The following RICTOR variants were observed in gnomAD, a reference collection of about 807,000 sequenced individuals.
RICTOR encodes the protein RPTOR independent companion of MTOR complex 2, also known as rapamycin-insensitive companion of mTOR.
A neutral mutation model predicts 214.9 loss-of-function variants in RICTOR; 49 were observed. The ratio of observed to expected loss-of-function variants is 0.23; its 90% CI spans 0.18 to 0.29. RICTOR has a LOEUF of 0.29. Ranked by LOEUF, RICTOR falls within the 10% of genes least tolerant of loss-of-function variation. The probability of loss-of-function intolerance (pLI) is 1.00; values close to 1 mark genes in which losing one functional copy is unlikely to be tolerated. For synonymous variants in RICTOR, 717 were observed against 711.3 expected, an observed-to-expected ratio of 1.01 and a Z score of -0.13; for missense variants, 1,625 against 2,047.0, an observed-to-expected ratio of 0.79 and a Z score of 3.98.
intron 2 of RICTOR, among the ~76,000 whole-genome samples, chr5:39,040,692 TTATA>T (rs1396363989): frequency 6.6e-6 from 1 of 152,026 alleles, no homozygotes; most frequent in Non-Finnish European, 1.5e-5. Flanking sequence ...ATTTTATTAC[TTATA>T]TAATTTTTAA....
In RICTOR at chr5:38,955,632, C is replaced by G. The variant is rs1749189675; in HGVS notation, c.2572G>C (p.Val858Leu). The change falls in exon 26 of 38, where the codon GTT (valine) becomes CTT (leucine). Residue 858 changes from valine to leucine, a missense_variant. Physicochemically the swap from Val to Leu is conservative, Grantham distance 32 (BLOSUM62 1). Coordinates refer to ENST00000357387, the MANE Select transcript of RICTOR (RefSeq NM_152756.5). ...NEALTTYRKP[V>L]DGDNYVRRSN... ...CGACGAACATAGTTATCACCATCAA[C>G]AGGCTTCCGGTAAGTAGTAAGTGCT... 2 of 1,610,606 alleles carry G rather than the reference C, an allele frequency of 1.2e-6. No individual in the cohort carries two copies. Among genetic ancestry groups the G allele is most frequent in the South Asian group, 2.2e-5 (2 of 91,006 alleles).
chr5:39,068,812 A>T (rs191571139), intron 2 of RICTOR, among the ~76,000 whole-genome samples: 1 of 152,212 alleles, frequency 6.6e-6, no homozygotes, highest in Non-Finnish European at 1.5e-5. Context: ...TCTAGCTTGA[A>T]TAACAGAGGA....
At chr5:38,949,587 C>T (rs530603893) in intron 31 of RICTOR, 125 bp downstream of exon 31, 2 of 1,050,648 alleles carry the variant, frequency 1.9e-6, no homozygotes, top group South Asian at 3.2e-5. Context: ...TATAGCCTAC[C>T]ATAGTAAACA....
At chr5:39,074,298 C>T (rs375259913) in intron 1 of RICTOR, 31 bp downstream of exon 1, 3 of 1,534,834 alleles carry the variant, frequency 2.0e-6, no homozygotes, top group Admixed American at 2.0e-5. Context: ...GGGCGCCGGG[C>T]GGTGGGGAGT....
chr5:39,073,180 T>C (rs1410447867), intron 2 of RICTOR, among the ~76,000 whole-genome samples: 3 of 152,216 alleles, frequency 2.0e-5, no homozygotes, highest in African/African-American at 7.2e-5. Context: ...AAACTGATTC[T>C]GTACAGCTGA....
At chr5:39,055,425 C>CT (rs967617423) in intron 2 of RICTOR, among the ~76,000 whole-genome samples, 2 of 129,048 alleles carry the variant, frequency 1.5e-5, no homozygotes, top group African/African-American at 5.8e-5. Flanking sequence ...ATTCCCCCCC[C>CT]CCACTCTTTT....
chr5:38,961,120 A>C (rs893324759), intron 19 of RICTOR, among the ~76,000 whole-genome samples: 6 of 152,050 alleles, frequency 3.9e-5, no homozygotes, highest in Non-Finnish European at 8.8e-5. Flanking sequence ...AAAAAACCCC[A>C]AAAACCAAGC....
chr5:38,981,833 T>C (rs1220273801), intron 8 of RICTOR, 34 bp downstream of exon 8: 2 of 1,443,104 alleles, frequency 1.4e-6, no homozygotes, highest in Non-Finnish European at 1.9e-6. Flanking sequence ...TATAATAATA[T>C]TTTAAAACTA....
intron 2 of RICTOR, among the ~76,000 whole-genome samples, chr5:39,044,357 A>G (rs1435459459): frequency 6.6e-6 from 1 of 152,206 alleles, no homozygotes; most frequent in Non-Finnish European, 1.5e-5. Flanking sequence ...AAACAAGACT[A>G]TGCTTCTTAA....
At chr5:39,042,356 T>C (rs185420968) in intron 2 of RICTOR, among the ~76,000 whole-genome samples, 1 of 152,326 alleles carries the variant, frequency 6.6e-6, no homozygotes, top group East Asian at 1.9e-4. Context: ...CTATTTGTGC[T>C]AATATTTTTG....
chr5:39,057,084 TA>T (rs1758252324), intron 2 of RICTOR, among the ~76,000 whole-genome samples: 1 of 152,216 alleles, frequency 6.6e-6, no homozygotes, highest in East Asian at 1.9e-4. Flanking sequence ...CATGAGTGAA[TA>T]AATTAGTGAA....
At chr5:39,048,907 C>T (rs986891257) in intron 2 of RICTOR, among the ~76,000 whole-genome samples, 11 of 151,930 alleles carry the variant, frequency 7.2e-5, no homozygotes, top group Non-Finnish European at 1.0e-4. Context: ...AGTCTACATC[C>T]TAAGAAAAAA....
intron 2 of RICTOR, among the ~76,000 whole-genome samples, chr5:39,051,227 C>T (rs545853729): frequency 3.6e-4 from 55 of 152,254 alleles, no homozygotes; most frequent in African/African-American, 9.1e-4. Context: ...TGTCCATGAT[C>T]AAAAGAATGG....
At chr5:39,072,549 G>A (rs1051049733) in intron 2 of RICTOR, among the ~76,000 whole-genome samples, 5 of 152,192 alleles carry the variant, frequency 3.3e-5, no homozygotes, top group Non-Finnish European at 7.3e-5. Context: ...ACATATGCCT[G>A]TATATAAATT....
intron 23 of RICTOR, 65 bp from the exon 24 acceptor site, chr5:38,958,584 T>A (rs904323129): frequency 6.6e-7 from 1 of 1,525,082 alleles, no homozygotes; most frequent in African/African-American, 1.4e-5. Flanking sequence ...AGTTCCAAAA[T>A]GCCTATTATA....
intron 6 of RICTOR, among the ~76,000 whole-genome samples, chr5:38,994,942 C>G (rs1753069482): frequency 6.6e-6 from 1 of 152,150 alleles, no homozygotes. Context: ...CATAGCAATA[C>G]AAAGACATTA....
intron 3 of RICTOR, 107 bp downstream of exon 3, chr5:39,020,932 C>T (rs1755373870): frequency 7.2e-6 from 5 of 692,242 alleles, no homozygotes; most frequent in Non-Finnish European, 1.3e-5. Flanking sequence ...AGCATTAATG[C>T]TGAGTGAATA....
In RICTOR at chr5:39,030,757, G is replaced by A. The variant is rs1026096066; in HGVS notation, c.98-9621C>T. On this transcript the variant is annotated intron_variant, in intron 2 of 37. Transcript: ENST00000357387. The stretch of plus-strand genomic sequence containing the variant: ...TTTCTATATTAAATAATAAATATGT[G>A]AGTAAACATTTTTTAAGACCAGGTT... Among the ~76,000 whole-genome samples, 2 of 152,212 alleles carry A rather than the reference G, an allele frequency of 1.3e-5. 1 individual carries two copies. Among genetic ancestry groups the A allele is most frequent in the African/African-American group, 4.8e-5 (2 of 41,548 alleles).
chr5:39,059,071 C>G (rs761020510), intron 2 of RICTOR, among the ~76,000 whole-genome samples: 1 of 152,030 alleles, frequency 6.6e-6, no homozygotes, highest in African/African-American at 2.4e-5. Context: ...CATATAAACC[C>G]ACTGACAATC....
Sources: allele counts gnomAD v4.1 joint callset (sites outside exome capture counted in the v4.1 genomes callset), GRCh38; gene constraint gnomAD v4.1.1; transcripts MANE v1.5; gene names NCBI Gene and HGNC (gene_info 2026-07-23, HGNC 2026-07-21).